Variants in ZSCAN23 observed in about 807,000 individuals in gnomAD.
ZSCAN23 encodes the protein zinc finger and SCAN domain containing 23.
ZSCAN23 carries 19 observed loss-of-function variants against 19.3 expected under a neutral mutation model. The observed-to-expected ratio is 0.99, with a 90% CI of 0.69 to 1.45. The LOEUF (loss-of-function observed/expected upper bound fraction) is 1.45, where lower values mean the gene tolerates loss of function less well. ZSCAN23 is among the 40% of genes most tolerant of loss of function. ZSCAN23 has a pLI of 0.00. For synonymous variants in ZSCAN23, 140 were observed against 166.2 expected (o/e 0.84, Z 1.21); for missense variants, 372 against 462.5 (o/e 0.80, Z 1.79).
the ZSCAN23 span, among the ~76,000 whole-genome samples, chr6:28,425,054 G>A: frequency 2.0e-5 from 3 of 152,274 alleles, no homozygotes; most frequent in East Asian, 5.8e-4. Context: ...ATTACTCCTT[G>A]ATCTGTGGGC....
chr6:28,429,739 C>T (rs1318224797), downstream of ZSCAN23, among the ~76,000 whole-genome samples: 1 of 152,090 alleles, frequency 6.6e-6, no homozygotes, highest in Non-Finnish European at 1.5e-5. Flanking sequence ...GAGAGATCTA[C>T]GTAAAAGAGG....
chr6:28,436,280 A>T lies in ZSCAN23; in HGVS notation c.-14T>A. On this transcript the variant is annotated 5_prime_UTR_variant, in exon 2 of 4. Coordinates refer to ENST00000289788, the MANE Select transcript of ZSCAN23 (RefSeq NM_001012455.2). ...GGTTATGGCCATCAAAGGTTTAACT[A>T]TTCAGAAAAATAATCTATTCTTGAT... 1 of 1,505,064 alleles carries T rather than the reference A, an allele frequency of 6.6e-7. No individual in the cohort carries two copies. The highest frequency in any genetic ancestry group is 8.9e-7 in the Non-Finnish European group (1 of 1,123,190). The allele number at this position is 1,505,064 out of a possible 1,614,324, so 93.2% of individuals were successfully genotyped here.
intron 1 of ZSCAN23, among the ~76,000 whole-genome samples, chr6:28,439,956 T>C (rs1761969300): frequency 6.6e-6 from 1 of 152,028 alleles, no homozygotes; most frequent in Non-Finnish European, 1.5e-5. Context: ...TAAGTATTTG[T>C]GAAGTAGTGA....
intron 1 of ZSCAN23, among the ~76,000 whole-genome samples, chr6:28,436,847 A>G (rs956612223): frequency 6.6e-6 from 1 of 152,098 alleles, no homozygotes; most frequent in Non-Finnish European, 1.5e-5. Context: ...CAGCCATAGG[A>G]GGTATGGAGG....
chr6:28,435,992 A>G lies in ZSCAN23; in HGVS notation c.275T>C (p.Val92Ala). 1 of 1,614,202 alleles carries G rather than the reference A, an allele frequency of 6.2e-7. No individual in the cohort carries two copies. The highest frequency in any genetic ancestry group is 2.2e-5 in the East Asian group (1 of 44,878). Reference protein sequence around the residue: ...HTKEQILELLVLEQFLTILPE... With the variant: ...HTKEQILELLALEQFLTILPE... ...CAGGATAGTCAGGAACTGCTCCAGCACCAGCAGCTCTAGGATCTGCTCCTT... is the reference window on the plus strand; with the variant it reads ...CAGGATAGTCAGGAACTGCTCCAGCGCCAGCAGCTCTAGGATCTGCTCCTT... Residue 92 changes from valine (V) to alanine (A), a missense_variant, in exon 2 of 4, where the codon GTG (valine) becomes GCG (alanine). Coordinates refer to ENST00000289788, the MANE Select transcript of ZSCAN23 (RefSeq NM_001012455.2).
At chr6:28,432,205 A>G (rs1004908731), downstream of ZSCAN23, among the ~76,000 whole-genome samples, 28 of 152,198 alleles carry the variant, frequency 1.8e-4, no homozygotes, top group African/African-American at 6.5e-4. Context: ...AGCATTTAAG[A>G]TATTTATAAA....
At chr6:28,429,802 G>A (rs1215320139), downstream of ZSCAN23, among the ~76,000 whole-genome samples, 2 of 152,208 alleles carry the variant, frequency 1.3e-5, no homozygotes, top group Non-Finnish European at 2.9e-5. Context: ...TCCGAGTACC[G>A]TTATCTCTGG....
At chr6:28,428,039 G>A (rs1285127705), downstream of ZSCAN23, among the ~76,000 whole-genome samples, 2 of 152,190 alleles carry the variant, frequency 1.3e-5, no homozygotes, top group African/African-American at 4.8e-5. Context: ...TTGAGCCATT[G>A]CACTCCAGCA....
Position 28,435,044 on chromosome 6 carries a change from G to C in ZSCAN23, c.591C>G (p.Ala197=), listed in dbSNP as rs979913045. ...GKAGTWNVEL[A]PKREISQEVK... is the part of the protein sequence containing the mutation. ...CTTCCTGAGAAATCTCCCTCTTTGG[G>C]GCTAACTCCACATTCCAAGTCCCAG... The change falls in exon 4 of 4, where the codon GCC becomes GCG. Residue 197 remains alanine (A), a synonymous_variant. Coordinates refer to ENST00000289788, the MANE Select transcript of ZSCAN23 (RefSeq NM_001012455.2). The C allele has an allele frequency of 6.5e-7, 1 of 1,549,340 alleles. No individual in the cohort carries two copies. The highest frequency in any genetic ancestry group is 8.7e-7 in the Non-Finnish European group (1 of 1,145,448).
chr6:28,430,460 G>A (rs1761741151), downstream of ZSCAN23, among the ~76,000 whole-genome samples: 1 of 152,124 alleles, frequency 6.6e-6, no homozygotes, highest in Non-Finnish European at 1.5e-5. Context: ...GCCCCCAAGG[G>A]TCAAATGCAA....
At chr6:28,428,841 G>A (rs1395652643), downstream of ZSCAN23, among the ~76,000 whole-genome samples, 4 of 152,262 alleles carry the variant, frequency 2.6e-5, no homozygotes, top group Middle Eastern at 3.4e-3. Flanking sequence ...TTCAGCTACC[G>A]GGGTGGCCAG....
chr6:28,429,994 G>T (rs1374752611), downstream of ZSCAN23, among the ~76,000 whole-genome samples: 6 of 152,174 alleles, frequency 3.9e-5, no homozygotes, highest in Non-Finnish European at 8.8e-5. Context: ...GTTCATTTGT[G>T]CACACCACCT....
downstream of ZSCAN23, among the ~76,000 whole-genome samples, chr6:28,429,912 G>C (rs565339412): frequency 5.9e-5 from 9 of 152,160 alleles, no homozygotes; most frequent in African/African-American, 9.7e-5. Flanking sequence ...ACCTCTCTAG[G>C]AGAAAGGACG....
chr6:28,442,361 G>A (rs768970358), intron 1 of ZSCAN23, among the ~76,000 whole-genome samples: 1 of 152,192 alleles, frequency 6.6e-6, no homozygotes, highest in Non-Finnish European at 1.5e-5. Flanking sequence ...CTTTTAATAA[G>A]ATAATGTACA....
chr6:28,430,864 T>G (rs1456441973), downstream of ZSCAN23, among the ~76,000 whole-genome samples: 2 of 152,186 alleles, frequency 1.3e-5, no homozygotes, highest in Non-Finnish European at 2.9e-5. Context: ...TTCATCCGAC[T>G]ACCTGCTTAA....
chr6:28,436,567 C>T (rs935101873), intron 1 of ZSCAN23, among the ~76,000 whole-genome samples: 5 of 152,180 alleles, frequency 3.3e-5, no homozygotes, highest in South Asian at 2.1e-4. Flanking sequence ...CTGTTTCAAT[C>T]ATCCTGACCG....
downstream of ZSCAN23, among the ~76,000 whole-genome samples, chr6:28,432,317 C>T (rs1761776527): frequency 6.6e-6 from 1 of 152,138 alleles, no homozygotes; most frequent in African/African-American, 2.4e-5. Flanking sequence ...TTTTTCTTAA[C>T]TTCACTCAAA....
At chr6:28,426,522 T>G in the ZSCAN23 span, among the ~76,000 whole-genome samples, 15 of 151,534 alleles carry the variant, frequency 9.9e-5, no homozygotes, top group East Asian at 5.9e-4. Flanking sequence ...CCAAAACAAT[T>G]GCAAATTACA....
chr6:28,434,680 C>T lies in ZSCAN23; in HGVS notation c.955G>A (p.Gly319Arg), dbSNP rs1272161919. ...TGAATTCTGAGGTGATGGAAAAGCC[C>T]GGCATTCTGGCTGAAGGCTTTGCCA... The part of the protein sequence containing the change: ...VCGKAFSQNA[G>R]LFHHLRIHTG... Residue 319 changes from glycine (G) to arginine (R), a missense_variant, in exon 4 of 4, where the codon GGG becomes AGG. Transcript: ENST00000289788. 5 of 1,576,644 alleles carry T rather than the reference C, an allele frequency of 3.2e-6. No individual in the cohort carries two copies. The highest frequency in any genetic ancestry group is 1.2e-5 in the South Asian group (1 of 86,710).
Sources: gnomAD v4.1 joint callset for allele counts (sites outside exome capture counted in the v4.1 genomes callset) on GRCh38, gnomAD v4.1.1 for gene constraint, MANE v1.5 for transcripts, NCBI Gene and HGNC (gene_info 2026-07-23, HGNC 2026-07-21) for gene names.